MUSK: variants seen among roughly 807,000 people sequenced by gnomAD.
MUSK encodes the protein muscle associated receptor tyrosine kinase, also known as muscle, skeletal receptor tyrosine-protein kinase.
In MUSK, 55 loss-of-function variants were observed where a neutral mutation model predicts 88.7. That is an observed-to-expected ratio of 0.62 (90% CI 0.50 to 0.78). The LOEUF (loss-of-function observed/expected upper bound fraction) is 0.78. Ranked by LOEUF, MUSK falls within the 30% of genes least tolerant of loss-of-function variation. MUSK has a pLI of 0.00. For synonymous variants in MUSK, 387 were observed against 391.9 expected (o/e 0.99, Z 0.15); for missense variants, 1,015 against 1,074.3 (o/e 0.94, Z 0.77).
intron 3 of MUSK, among the ~76,000 whole-genome samples, chr9:110,694,511 C>T (rs1346660799): frequency 2.7e-5 from 4 of 150,510 alleles, no homozygotes; most frequent in African/African-American, 9.8e-5. Flanking sequence ...TAGAAGAAAA[C>T]AAAGTCCATA....
intron 11 of MUSK, among the ~76,000 whole-genome samples, chr9:110,779,026 C>T (rs185008556): frequency 6.6e-6 from 1 of 151,212 alleles, no homozygotes. Flanking sequence ...TACTATTTTG[C>T]CCACGAATGA....
chr9:110,797,130 A>AG (rs1564297630), intron 14 of MUSK, among the ~76,000 whole-genome samples: 1 of 44,464 alleles, frequency 2.2e-5, no homozygotes, highest in South Asian at 7.0e-4. Context: ...AAAATAAAAA[A>AG]ATAAAAAATA....
At chr9:110,691,410 C>T (rs760187132) in intron 3 of MUSK, among the ~76,000 whole-genome samples, 1 of 152,132 alleles carries the variant, frequency 6.6e-6, no homozygotes, top group Admixed American at 6.5e-5. Context: ...CATTCTCCTA[C>T]TCTTGCTATA....
intron 13 of MUSK, among the ~76,000 whole-genome samples, chr9:110,787,123 G>A (rs1285333179): frequency 6.6e-6 from 1 of 152,150 alleles, no homozygotes; most frequent in African/African-American, 2.4e-5. Context: ...CGCAGTTTGG[G>A]AGGCCGAGGT....
intron 5 of MUSK, among the ~76,000 whole-genome samples, chr9:110,704,751 C>T (rs1013381091): frequency 2.6e-5 from 4 of 151,490 alleles, no homozygotes; most frequent in East Asian, 1.9e-4. Context: ...TTTGGGAGGC[C>T]GAGGTGGGCG....
intron 8 of MUSK, 133 bp from the exon 9 acceptor site, chr9:110,767,687 T>G (rs2077505246): frequency 1.1e-6 from 1 of 928,228 alleles, no homozygotes; most frequent in Non-Finnish European, 1.7e-6. Context: ...AAATGGAGCG[T>G]GTCAACCAAT....
chr9:110,728,140 C>CT (rs2076911875), intron 5 of MUSK: 1 of 152,406 alleles, frequency 6.6e-6, no homozygotes, highest in Non-Finnish European at 1.5e-5. Context: ...CTCCAAGCAG[C>CT]TTCTGTGTTG....
chr9:110,681,420 A>C (rs573637672), intron 1 of MUSK, among the ~76,000 whole-genome samples: 1 of 151,682 alleles, frequency 6.6e-6, no homozygotes, highest in Non-Finnish European at 1.5e-5. Flanking sequence ...TGATGTCTAA[A>C]ACATGATCCC....
chr9:110,734,115 G>A lies in MUSK; in HGVS notation c.629-136G>A. ...CTTGGAGGCTCGGCCATGGCATGTG[G>A]TATTATCCTTAAAACAGAGCAAACA... On this transcript the variant is annotated intron_variant, in intron 5 of 14. Transcript: ENST00000374448. 3.2e-6 allele frequency: 3 copies of A among 947,494 alleles called. No homozygotes were observed. In the South Asian group the frequency reaches 5.2e-5, roughly 16 times the overall value. The allele number at this position is 947,494 out of a possible 1,614,324, so 58.7% of individuals were successfully genotyped here. A position where few individuals can be genotyped will look rare whatever the true frequency, so the allele number is the denominator to read the frequency against.
chr9:110,757,114 A>G (rs531436746), intron 7 of MUSK, among the ~76,000 whole-genome samples: 1 of 152,290 alleles, frequency 6.6e-6, no homozygotes, highest in South Asian at 2.1e-4. Flanking sequence ...ACTTAACTCA[A>G]TTTCAGTTAG....
chr9:110,709,230 A>G (rs1228527373), intron 5 of MUSK, among the ~76,000 whole-genome samples: 2 of 152,234 alleles, frequency 1.3e-5, no homozygotes, highest in African/African-American at 4.8e-5. Context: ...TCAGATATCA[A>G]ATACATGACT....
chr9:110,743,468 T>A (rs1412183336), intron 6 of MUSK, among the ~76,000 whole-genome samples: 1 of 152,244 alleles, frequency 6.6e-6, no homozygotes, highest in African/African-American at 2.4e-5. Flanking sequence ...CAGATTTATT[T>A]ATAGTTATAC....
rs1431743090 is a variant in MUSK, at chr9:110,697,426, C to T, written c.588C>T (p.Leu196=). ...GQYRCVAKNS[L]GTAYSKVVKL... ...ATCGATGTGTGGCAAAAAACAGCCT[C>T]GGGACAGCATATTCCAAAGTGGTGA... The change falls in exon 5 of 15, where the codon CTC becomes CTT. Residue 196 remains leucine (L), a synonymous_variant. Coordinates refer to ENST00000374448, the MANE Select transcript of MUSK (RefSeq NM_005592.4). The T allele has an allele frequency of 9.3e-6, 15 of 1,611,118 alleles. No individual in the cohort carries two copies. Among genetic ancestry groups the T allele is most frequent in the Admixed American group, 6.7e-5 (4 of 59,748 alleles).
intron 7 of MUSK, among the ~76,000 whole-genome samples, chr9:110,748,988 G>A (rs771398755): frequency 2.0e-5 from 3 of 152,002 alleles, no homozygotes; most frequent in Non-Finnish European, 2.9e-5. Context: ...CCCAGAAAAT[G>A]AAAAGTCTTC....
intron 7 of MUSK, among the ~76,000 whole-genome samples, chr9:110,761,571 T>TTC (rs1202132630): frequency 1.6e-5 from 2 of 124,698 alleles, no homozygotes; most frequent in Admixed American, 1.6e-4. Context: ...ATCTTGCTTT[T>TTC]TTTTTTTTTT....
At position 110,681,043 on chromosome 9, in the gene MUSK, ATATATAT is replaced by A. The variant is rs1326016456; in HGVS notation, c.80-1616_80-1610del. Among the ~76,000 whole-genome samples, 3 of 9,726 alleles carry A rather than the reference ATATATAT, an allele frequency of 3.1e-4. 1 individual carries two copies. Among genetic ancestry groups the A allele is most frequent in the East Asian group, 2.2e-3 (3 of 1,384 alleles). The allele number at this position is 9,726 out of a possible 152,430, so 6.4% of individuals were successfully genotyped here. ...TATATTATATATTATATATTATATAATATATATTATATATTATATATATAATATTATA... is the reference window on the plus strand; with the variant it reads ...TATATTATATATTATATATTATATAATATATATTATATATATAATATTATA... On this transcript the variant is annotated intron_variant, in intron 1 of 14. Coordinates refer to ENST00000374448, the MANE Select transcript of MUSK (RefSeq NM_005592.4).
rs75001517 is a variant in MUSK, at chr9:110,682,828, A to T, written c.206+28A>T. The T allele has an allele frequency of 0.11, 166,666 of 1,577,430 alleles. 9,718 individuals carry two copies. The highest frequency in any genetic ancestry group is 0.12 in the Non-Finnish European group (139,538 of 1,153,570). ...AAGTATTCCACATTTTAATTTTTTT[A>T]AATTTTTGTGGGTATATAGTAGGTG... On this transcript the variant is annotated intron_variant, in intron 2 of 14. Transcript: ENST00000374448.
At chr9:110,694,215 CAAAA>C (rs1217917603) in intron 3 of MUSK, among the ~76,000 whole-genome samples, 1 of 72,108 alleles carries the variant, frequency 1.4e-5, no homozygotes, top group Non-Finnish European at 2.6e-5. Context: ...ACTAAAAATA[CAAAA>C]AAAAAAAAAA....
At chr9:110,738,158 T>C (rs2131849727) in intron 6 of MUSK, among the ~76,000 whole-genome samples, 2 of 152,140 alleles carry the variant, frequency 1.3e-5, no homozygotes, top group South Asian at 4.1e-4. Context: ...AATTTTTCTA[T>C]CTATCAAATC....
Sources: gnomAD v4.1 joint callset for allele counts (sites outside exome capture counted in the v4.1 genomes callset) on GRCh38, gnomAD v4.1.1 for gene constraint, MANE v1.5 for transcripts, NCBI Gene and HGNC (gene_info 2026-07-23, HGNC 2026-07-21) for gene names.